The following SCAI variants were observed in gnomAD, a reference collection of about 807,000 sequenced individuals.
SCAI encodes protein SCAI.
In SCAI, 24 loss-of-function variants were observed where a neutral mutation model predicts 92.2. The observed-to-expected ratio is 0.26, with a 90% CI of 0.19 to 0.37. The LOEUF is 0.37. SCAI is among the 10% of genes least tolerant of loss of function. SCAI has a pLI of 1.00. For synonymous variants in SCAI, 261 were observed against 258.6 expected (o/e 1.01, Z -0.09); for missense variants, 450 against 736.2 (o/e 0.61, Z 4.50).
rs1399207365 is a variant in SCAI, at chr9:124,942,844, T to G, written c.*9963A>C. 1 of 152,188 alleles carries G rather than the reference T, an allele frequency of 6.6e-6. No individual in the cohort carries two copies. The highest frequency in any genetic ancestry group is 1.9e-4 in the East Asian group (1 of 5,206). The allele number at this position is 152,188 out of a possible 1,614,324, so 9.4% of individuals were successfully genotyped here. ...CAGTTTTCATCCTCTAGTACTGAAG[T>G]GCCCTCAAGGTGGTAGGCACTGTAT... On this transcript the variant is annotated 3_prime_UTR_variant, in exon 18 of 18. Transcript: ENST00000336505.
intron 2 of SCAI, among the ~76,000 whole-genome samples, chr9:125,080,210 T>C (rs1006500202): frequency 2.0e-5 from 3 of 152,108 alleles, no homozygotes; most frequent in Non-Finnish European, 2.9e-5. Flanking sequence ...ACCTATAAGG[T>C]AGGCACTGTC....
intron 15 of SCAI, among the ~76,000 whole-genome samples, 162 bp from the exon 16 acceptor site, chr9:124,972,006 CTA>C (rs1372304991): frequency 6.6e-6 from 1 of 152,132 alleles, no homozygotes; most frequent in Admixed American, 6.5e-5. Context: ...AAAAACTTTG[CTA>C]TGTTGCTTTC....
intron 2 of SCAI, among the ~76,000 whole-genome samples, chr9:125,116,160 G>C (rs897072513): frequency 6.6e-6 from 1 of 151,976 alleles, no homozygotes; most frequent in African/African-American, 2.4e-5. Flanking sequence ...ACTCCAGCTT[G>C]GGTGACAGAG....
At chr9:125,132,260 C>A (rs376031769) in intron 2 of SCAI, among the ~76,000 whole-genome samples, 1 of 151,944 alleles carries the variant, frequency 6.6e-6, no homozygotes, top group Admixed American at 6.6e-5. Context: ...ATTACAGGCA[C>A]GTACCACCAC....
At chr9:124,963,261 C>G (rs1187216395) in intron 17 of SCAI, among the ~76,000 whole-genome samples, 1 of 150,882 alleles carries the variant, frequency 6.6e-6, no homozygotes, top group Non-Finnish European at 1.5e-5. Context: ...CTCAGCCTCC[C>G]GAGCAGCTGG....
At position 125,020,900 on chromosome 9, in the gene SCAI, CAT is replaced by C. The variant is rs1430925723; in HGVS notation, c.513-133_513-132del. ...AATTATAAACATTCCCACATATAAG[CAT>C]ATAGTCTTTTTAAAATATTTCTTAC... is the stretch of plus-strand genomic sequence containing the variant. On this transcript the variant is annotated intron_variant, in intron 6 of 17. Transcript: ENST00000336505. 12 of 477,730 alleles carry C rather than the reference CAT, an allele frequency of 2.5e-5. No homozygotes were observed. The Admixed American group carries it at 3.5e-4, about 14-fold the overall frequency. 29.6% of individuals were successfully genotyped at this position (477,730 alleles called of 1,614,324 possible). A position where few individuals can be genotyped will look rare whatever the true frequency, so the allele number is the denominator to read the frequency against.
chr9:124,971,790 G>A lies in SCAI; in HGVS notation c.1454C>T (p.Ala485Val), dbSNP rs1173915798. ...TGACAATCCAGAGACAAATAGGAAG[G>A]CCATTAGAGGATTGTTCAAAAAGAG... ...FTLFLNNPLM[A>V]FLFVSGLSSM... Residue 485 changes from alanine to valine, a missense_variant, in exon 16 of 18, where the codon GCC (alanine) becomes GTC (valine). Coordinates refer to ENST00000336505, the MANE Select transcript of SCAI (RefSeq NM_001144877.3). The A allele has an allele frequency of 6.2e-7, 1 of 1,611,338 alleles. No homozygotes were observed. The highest frequency in any genetic ancestry group is 1.3e-5 in the African/African-American group (1 of 74,920).
intron 12 of SCAI, among the ~76,000 whole-genome samples, chr9:125,000,963 A>T (rs890521484): frequency 1.3e-4 from 20 of 152,228 alleles, no homozygotes; most frequent in Non-Finnish European, 2.8e-4. Flanking sequence ...ACGATTACCT[A>T]TCATACTTTG....
intron 2 of SCAI, among the ~76,000 whole-genome samples, chr9:125,114,687 C>A (rs1171246824): frequency 6.6e-6 from 1 of 151,792 alleles, no homozygotes; most frequent in Non-Finnish European, 1.5e-5. Context: ...CTCACACCAG[C>A]CTTGAACTCC....
chr9:125,081,806 C>T (rs1188868172), intron 2 of SCAI, among the ~76,000 whole-genome samples: 1 of 152,074 alleles, frequency 6.6e-6, no homozygotes, highest in Non-Finnish European at 1.5e-5. Context: ...AAGGCTCAGG[C>T]AATCCGCCCA....
intron 3 of SCAI, among the ~76,000 whole-genome samples, chr9:125,053,747 T>A (rs1353138054): frequency 6.6e-6 from 1 of 152,194 alleles, no homozygotes; most frequent in Non-Finnish European, 1.5e-5. Flanking sequence ...TACTAACAGC[T>A]GCACAACTCT....
Position 125,108,769 on chromosome 9 carries a change from CG to C in SCAI, c.98+33863del, listed in dbSNP as rs1360370763. ...GTCTCCGCCCGGCAGCCGCCCCGTC[CG>C]GGAGGTGGGGGGCGCCTCTGCCCGG... On this transcript the variant is annotated intron_variant, in intron 2 of 17. Transcript: ENST00000336505. Among the ~76,000 whole-genome samples, 3 of 143,432 alleles carry C rather than the reference CG, an allele frequency of 2.1e-5. No individual in the cohort carries two copies. The East Asian group carries it at 6.6e-4, about 32-fold the overall frequency. The allele number at this position is 143,432 out of a possible 152,430, so 94.1% of individuals were successfully genotyped here.
chr9:125,086,716 G>A (rs1834331330), intron 2 of SCAI, among the ~76,000 whole-genome samples: 1 of 152,190 alleles, frequency 6.6e-6, no homozygotes, highest in Non-Finnish European at 1.5e-5. Context: ...CAGCATAGGG[G>A]CAAGAGTGGC....
Position 125,060,767 on chromosome 9 carries a change from T to C in SCAI, c.99-4760A>G, listed in dbSNP as rs189911118. On this transcript the variant is annotated intron_variant, in intron 2 of 17. Coordinates refer to ENST00000336505, the MANE Select transcript of SCAI (RefSeq NM_001144877.3). ...CATGATTCTGAGGCCTTCCCAGCCA[T>C]GTGGACCTATAAGTCCAATTAAACC... Among the ~76,000 whole-genome samples the C allele has an allele frequency of 3.9e-3, 592 of 152,300 alleles. 7 individuals are homozygous for C. The highest frequency in any genetic ancestry group is 0.01 in the Middle Eastern group (3 of 294).
At chr9:125,097,606 T>G (rs1290374580) in intron 2 of SCAI, among the ~76,000 whole-genome samples, 1 of 151,660 alleles carries the variant, frequency 6.6e-6, no homozygotes, top group Non-Finnish European at 1.5e-5. Flanking sequence ...CAAATAAAAT[T>G]TATATCAAAT....
Position 124,951,220 on chromosome 9 carries a change from A to G in SCAI, c.*1587T>C, listed in dbSNP as rs1831230830. On this transcript the variant is annotated 3_prime_UTR_variant, in exon 18 of 18. Coordinates refer to ENST00000336505, the MANE Select transcript of SCAI (RefSeq NM_001144877.3). ...GCCAGAAATGAAAACCAAGTTAAAA[A>G]TAATAGCCAGGTGCGGTGGCTCACG... The G allele has an allele frequency of 6.6e-6, 1 of 151,254 alleles. No homozygotes were observed. Among genetic ancestry groups the G allele is most frequent in the South Asian group, 2.1e-4 (1 of 4,794 alleles). 9.4% of individuals were successfully genotyped at this position (151,254 alleles called of 1,614,324 possible). A position where few individuals can be genotyped will look rare whatever the true frequency, so the allele number is the denominator to read the frequency against.
At position 125,040,147 on chromosome 9, in the gene SCAI, G is replaced by C. The variant is rs529197065; in HGVS notation, c.231-10408C>G. Among the ~76,000 whole-genome samples, 4 of 152,256 alleles carry C rather than the reference G, an allele frequency of 2.6e-5. No homozygotes were observed. In the East Asian group the frequency reaches 7.7e-4, roughly 29 times the overall value. ...AGGTGGGAGGATCACTTGAATCCAG[G>C]AGTTCGAGACCAACCTGGGCAACAT... On this transcript the variant is annotated intron_variant, in intron 3 of 17. Transcript: ENST00000336505.
At chr9:125,009,583 G>A (rs1187038019) in intron 9 of SCAI, among the ~76,000 whole-genome samples, 1 of 151,992 alleles carries the variant, frequency 6.6e-6, no homozygotes, top group Non-Finnish European at 1.5e-5. Flanking sequence ...CCCAGCCCAG[G>A]GATTTTTATA....
In SCAI at chr9:125,003,356, C is replaced by T. The variant is rs1308500123; in HGVS notation, c.963+113G>A. 5.0e-6 allele frequency: 5 copies of T among 1,002,954 alleles called. No homozygotes were observed. The Admixed American group carries it at 9.0e-5, about 18-fold the overall frequency. The allele number at this position is 1,002,954 out of a possible 1,614,324, so 62.1% of individuals were successfully genotyped here. A position where few individuals can be genotyped will look rare whatever the true frequency, so the allele number is the denominator to read the frequency against. On this transcript the variant is annotated intron_variant, in intron 10 of 17. Coordinates refer to ENST00000336505, the MANE Select transcript of SCAI (RefSeq NM_001144877.3). ...TGTGATGATCTATTTCTCCATGTCTCATCAAGTGAATTCTTTATTCAAGGC... is the reference window on the plus strand; with the variant it reads ...TGTGATGATCTATTTCTCCATGTCTTATCAAGTGAATTCTTTATTCAAGGC...
Sources: allele counts gnomAD v4.1 joint callset (sites outside exome capture counted in the v4.1 genomes callset), GRCh38; gene constraint gnomAD v4.1.1; transcripts MANE v1.5; gene names NCBI Gene and HGNC (gene_info 2026-07-23, HGNC 2026-07-21).